PLCB1: variants seen among roughly 807,000 people sequenced by gnomAD.
PLCB1 encodes the protein 1-phosphatidylinositol 4,5-bisphosphate phosphodiesterase beta-1.
PLCB1 carries 46 observed loss-of-function variants against 161.8 expected under a neutral mutation model. The ratio of observed to expected loss-of-function variants is 0.28; its 90% CI spans 0.22 to 0.36. The LOEUF is 0.36. Ranked by LOEUF, PLCB1 falls within the 10% of genes least tolerant of loss-of-function variation. The pLI, the probability that PLCB1 is intolerant of heterozygous loss-of-function variation, is 1.00. For synonymous variants in PLCB1, 517 were observed against 503.7 expected, an observed-to-expected ratio of 1.03 and a Z score of -0.35; for missense variants, 1,016 against 1,472.5, an observed-to-expected ratio of 0.69 and a Z score of 5.07.
intron 3 of PLCB1, among the ~76,000 whole-genome samples, chr20:8,618,823 G>A (rs945200865): frequency 6.6e-6 from 1 of 152,098 alleles, no homozygotes; most frequent in South Asian, 2.1e-4. Context: ...ACCTTATCAA[G>A]GCTTTGAATT....
chr20:8,783,203 A>G (rs1983323489), intron 27 of PLCB1, among the ~76,000 whole-genome samples: 2 of 152,230 alleles, frequency 1.3e-5, no homozygotes, highest in Non-Finnish European at 2.9e-5. Flanking sequence ...TGAAAATTAA[A>G]TGTTGTTTAC....
intron 3 of PLCB1, among the ~76,000 whole-genome samples, chr20:8,563,804 C>T (rs918872692): frequency 6.6e-6 from 1 of 152,040 alleles, no homozygotes; most frequent in African/African-American, 2.4e-5. Flanking sequence ...TGAAGGACCC[C>T]TTCAAGGAGA....
intron 2 of PLCB1, among the ~76,000 whole-genome samples, chr20:8,358,253 A>G (rs940782115): frequency 6.6e-6 from 1 of 151,808 alleles, no homozygotes; most frequent in African/African-American, 2.4e-5. Context: ...TCCTGCCCCA[A>G]CTTTTTTGTT....
intron 3 of PLCB1, among the ~76,000 whole-genome samples, chr20:8,419,401 T>C (rs11906488): frequency 0.028 from 4,270 of 152,256 alleles, 195 homozygotes; most frequent in African/African-American, 0.096. Flanking sequence ...GGTTCCAGAA[T>C]TTACAATGGT....
rs953819 is a variant in PLCB1, at chr20:8,433,389, G to A, written c.246+61939G>A. ...GCCTGAGGGCTTAAGTTTGGGGAGA[G>A]TGGGCTTCTTTTGATTTGCAATGTG... On this transcript the variant is annotated intron_variant, in intron 3 of 31. Transcript: ENST00000338037. Among the ~76,000 whole-genome samples the A allele has an allele frequency of 7.2e-4, 108 of 149,110 alleles. 5 individuals are homozygous for A. In the East Asian group the frequency reaches 0.017, roughly 23 times the overall value.
intron 2 of PLCB1, among the ~76,000 whole-genome samples, chr20:8,327,607 G>C (rs961916): frequency 0.24 from 37,202 of 152,068 alleles, 4,770 homozygotes; most frequent in South Asian, 0.44. Flanking sequence ...ACCATAGAAG[G>C]CTTGTTAGCG....
chr20:8,487,545 A>G (rs1870957140), intron 3 of PLCB1, among the ~76,000 whole-genome samples: 2 of 152,196 alleles, frequency 1.3e-5, no homozygotes, highest in African/African-American at 4.8e-5. Flanking sequence ...GGAGTTTTGT[A>G]GTGGCAGATT....
intron 31 of PLCB1, among the ~76,000 whole-genome samples, chr20:8,836,031 CCTACCTGGCTGGCAG>C (rs1350952415): frequency 1.6e-4 from 25 of 151,612 alleles, no homozygotes; most frequent in African/African-American, 5.8e-4. Context: ...GATGGTCTTA[CCTACCTGGCTGGCAG>C]CTGACTGGCT....
At chr20:8,723,480 G>A (rs1404850388) in intron 15 of PLCB1, among the ~76,000 whole-genome samples, 1 of 152,070 alleles carries the variant, frequency 6.6e-6, no homozygotes, top group Non-Finnish European at 1.5e-5. Context: ...CTCTACAGAG[G>A]CCCATTTTGT....
At chr20:8,632,136 CTT>C (rs1286147491) in intron 4 of PLCB1, among the ~76,000 whole-genome samples, 1 of 131,188 alleles carries the variant, frequency 7.6e-6, no homozygotes, top group Non-Finnish European at 1.6e-5. Context: ...AATTTTGACT[CTT>C]TTTGAGAAGG....
chr20:8,184,795 T>TATTATG (rs983097416), intron 2 of PLCB1, among the ~76,000 whole-genome samples: 3 of 148,276 alleles, frequency 2.0e-5, no homozygotes, highest in African/African-American at 7.4e-5. Flanking sequence ...TTATTATTAT[T>TATTATG]ATTATTATTA....
chr20:8,812,472 G>C (rs946134360), intron 31 of PLCB1, among the ~76,000 whole-genome samples: 2 of 152,144 alleles, frequency 1.3e-5, no homozygotes, highest in Non-Finnish European at 2.9e-5. Context: ...AGACAAAGAG[G>C]CTCCCTCTGG....
chr20:8,416,017 C>A (rs1299054621), intron 3 of PLCB1, among the ~76,000 whole-genome samples: 1 of 152,126 alleles, frequency 6.6e-6, no homozygotes, highest in Non-Finnish European at 1.5e-5. Flanking sequence ...TTATATATTT[C>A]TTTCTTTTTT....
chr20:8,185,977 C>T (rs892683591), intron 2 of PLCB1, among the ~76,000 whole-genome samples: 1 of 152,164 alleles, frequency 6.6e-6, no homozygotes, highest in African/African-American at 2.4e-5. Context: ...CTTTTGGTCT[C>T]ACTTGTTTTC....
chr20:8,221,043 A>G (rs1351736730), intron 2 of PLCB1, among the ~76,000 whole-genome samples: 32 of 152,196 alleles, frequency 2.1e-4, no homozygotes, highest in Admixed American at 2.0e-3. Context: ...GTAAACTCCA[A>G]GTGATGATAG....
intron 3 of PLCB1, among the ~76,000 whole-genome samples, chr20:8,492,784 T>C (rs1982998607): frequency 6.6e-6 from 1 of 151,834 alleles, no homozygotes; most frequent in Non-Finnish European, 1.5e-5. Context: ...CTGATTTAGT[T>C]ATGAACTGGT....
chr20:8,743,181 G>T (rs1394948859), intron 23 of PLCB1, among the ~76,000 whole-genome samples: 3 of 152,116 alleles, frequency 2.0e-5, no homozygotes, highest in African/African-American at 7.2e-5. Flanking sequence ...ACTAGCTGTT[G>T]AACTGTTATA....
intron 3 of PLCB1, among the ~76,000 whole-genome samples, chr20:8,440,695 A>T (rs1980520646): frequency 6.6e-6 from 1 of 152,180 alleles, no homozygotes; most frequent in African/African-American, 2.4e-5. Flanking sequence ...ACAAAATTAT[A>T]GCTAGATAGG....
chr20:8,245,991 A>T (rs966029515), intron 2 of PLCB1, among the ~76,000 whole-genome samples: 1 of 151,942 alleles, frequency 6.6e-6, no homozygotes, highest in Non-Finnish European at 1.5e-5. Context: ...TGTGATTTTT[A>T]TCTACCATGC....
Sources: allele counts gnomAD v4.1 joint callset (sites outside exome capture counted in the v4.1 genomes callset), GRCh38; gene constraint gnomAD v4.1.1; transcripts MANE v1.5; gene names NCBI Gene and HGNC (gene_info 2026-07-23, HGNC 2026-07-21).